The following COL25A1 variants were observed in gnomAD, a reference collection of about 807,000 sequenced individuals.
COL25A1 encodes the protein collagen type XXV alpha 1 chain, also known as collagen alpha-1(XXV) chain.
A neutral mutation model predicts 128.4 loss-of-function variants in COL25A1; 103 were observed. That is an observed-to-expected ratio of 0.80 (90% CI 0.68 to 0.94). The LOEUF (loss-of-function observed/expected upper bound fraction) is 0.94, where lower values mean the gene tolerates loss of function less well. COL25A1 is among the 40% of genes least tolerant of loss of function. The pLI is 0.00. For missense variants in COL25A1, 745 were observed against 840.0 expected (o/e 0.89, Z 1.40); for synonymous variants, 279 against 277.2 (o/e 1.01, Z -0.06).
chr4:108,862,763 G>T (rs1467034369), intron 21 of COL25A1, among the ~76,000 whole-genome samples: 1 of 152,092 alleles, frequency 6.6e-6, no homozygotes. Flanking sequence ...TTTGAAGGCT[G>T]CCCTCCCATC....
intron 5 of COL25A1, among the ~76,000 whole-genome samples, chr4:109,014,994 C>G (rs1250557314): frequency 2.0e-5 from 3 of 152,170 alleles, no homozygotes; most frequent in African/African-American, 7.2e-5. Flanking sequence ...CCGGCAGCGC[C>G]GAGTCTTGCA....
intron 3 of COL25A1, among the ~76,000 whole-genome samples, chr4:109,067,095 GT>G (rs530778843): frequency 6.6e-6 from 1 of 151,850 alleles, no homozygotes; most frequent in Non-Finnish European, 1.5e-5. Flanking sequence ...GGCCTTCAAG[GT>G]TTTTTTTGGC....
intron 5 of COL25A1, among the ~76,000 whole-genome samples, chr4:109,031,257 G>A (rs545426714): frequency 4.6e-5 from 7 of 152,200 alleles, no homozygotes; most frequent in African/African-American, 1.7e-4. Context: ...GACTACAGGC[G>A]CCTGCCACCG....
intron 3 of COL25A1, among the ~76,000 whole-genome samples, chr4:109,266,238 TG>T (rs1316495154): frequency 6.6e-6 from 1 of 152,198 alleles, no homozygotes; most frequent in Admixed American, 6.6e-5. Context: ...ATGAAAAAGA[TG>T]TTAAAACAGT....
At chr4:108,979,428 C>T (rs996364978) in intron 6 of COL25A1, among the ~76,000 whole-genome samples, 4 of 152,030 alleles carry the variant, frequency 2.6e-5, no homozygotes, top group African/African-American at 7.3e-5. Flanking sequence ...TATTCATAGG[C>T]CTGGAGTAAC....
chr4:108,813,952 G>A, intron 37 of COL25A1, 23 bp from the exon 38 acceptor site: 1 of 1,577,230 alleles, frequency 6.3e-7, no homozygotes, highest in Non-Finnish European at 8.7e-7. Context: ...ACAACAAAAA[G>A]ACAAATACAT....
At chr4:109,009,897 AT>A (rs1756416924) in intron 6 of COL25A1, among the ~76,000 whole-genome samples, 1 of 152,230 alleles carries the variant, frequency 6.6e-6, no homozygotes, top group Non-Finnish European at 1.5e-5. Flanking sequence ...ATTATAAATC[AT>A]GTCTTCGGCA....
At chr4:109,024,696 A>G (rs1377918134) in intron 5 of COL25A1, among the ~76,000 whole-genome samples, 2 of 152,186 alleles carry the variant, frequency 1.3e-5, no homozygotes, top group Non-Finnish European at 2.9e-5. Flanking sequence ...AAAACTTTTA[A>G]ACCCTTAATT....
intron 6 of COL25A1, among the ~76,000 whole-genome samples, chr4:109,000,743 C>CAAAAAAAAAA (rs1180104512): frequency 1.1e-4 from 4 of 36,420 alleles, no homozygotes; most frequent in East Asian, 5.3e-4. Flanking sequence ...GAGACTCTGT[C>CAAAAAAAAAA]AAAAAAAAAA....
chr4:109,090,768 T>C (rs946902077), intron 3 of COL25A1, among the ~76,000 whole-genome samples: 4 of 152,222 alleles, frequency 2.6e-5, no homozygotes, highest in East Asian at 1.9e-4. Context: ...AGAACTATAG[T>C]GAGCAGCATG....
At chr4:109,125,291 T>C (rs916571032) in intron 3 of COL25A1, among the ~76,000 whole-genome samples, 10 of 152,150 alleles carry the variant, frequency 6.6e-5, no homozygotes, top group African/African-American at 2.4e-4. Flanking sequence ...AGGCAGTTGC[T>C]GCAATCTAGG....
intron 3 of COL25A1, among the ~76,000 whole-genome samples, chr4:109,107,519 A>T (rs1406219060): frequency 6.6e-6 from 1 of 152,202 alleles, no homozygotes; most frequent in Non-Finnish European, 1.5e-5. Flanking sequence ...ATTTAGTAAG[A>T]TAATAACATT....
intron 11 of COL25A1, among the ~76,000 whole-genome samples, chr4:108,923,038 T>G (rs1300978205): frequency 2.0e-5 from 3 of 152,118 alleles, no homozygotes; most frequent in Non-Finnish European, 4.4e-5. Flanking sequence ...CACACACACG[T>G]GTGCGCATGC....
chr4:109,280,065 G>C (rs936059770), intron 3 of COL25A1, among the ~76,000 whole-genome samples: 8 of 152,160 alleles, frequency 5.3e-5, no homozygotes, highest in African/African-American at 1.7e-4. Flanking sequence ...GCACTACCTG[G>C]ACTGGTCTAT....
intron 8 of COL25A1, among the ~76,000 whole-genome samples, chr4:108,964,262 G>A (rs915095003): frequency 6.6e-6 from 1 of 151,574 alleles, no homozygotes; most frequent in African/African-American, 2.4e-5. Flanking sequence ...TCTTGTCAGA[G>A]GATGTGCTTA....
chr4:108,896,286 C>A (rs1222433907), intron 16 of COL25A1, among the ~76,000 whole-genome samples: 1 of 151,946 alleles, frequency 6.6e-6, no homozygotes, highest in Non-Finnish European at 1.5e-5. Flanking sequence ...CTGACATGTT[C>A]TCTCCTGAAA....
chr4:109,003,973 T>C (rs1329078758), intron 6 of COL25A1, among the ~76,000 whole-genome samples: 1 of 152,186 alleles, frequency 6.6e-6, no homozygotes, highest in Non-Finnish European at 1.5e-5. Context: ...TTATTTCCCT[T>C]GATTCAGGAG....
intron 5 of COL25A1, among the ~76,000 whole-genome samples, chr4:109,017,810 G>C (rs1176017674): frequency 6.6e-6 from 1 of 152,000 alleles, no homozygotes; most frequent in Non-Finnish European, 1.5e-5. Flanking sequence ...ACTCTAAAAG[G>C]TACTACCTCT....
At chr4:108,884,479 G>A (rs1208380844) in intron 18 of COL25A1, among the ~76,000 whole-genome samples, 3 of 152,104 alleles carry the variant, frequency 2.0e-5, no homozygotes, top group African/African-American at 7.2e-5. Context: ...GTCAGATGGC[G>A]AGAAAGAGGA....
Sources: allele counts gnomAD v4.1 joint callset (sites outside exome capture counted in the v4.1 genomes callset), GRCh38; gene constraint gnomAD v4.1.1; transcripts MANE v1.5; gene names NCBI Gene and HGNC (gene_info 2026-07-23, HGNC 2026-07-21).